Variants in CLASP1 observed in about 807,000 individuals in gnomAD.
The protein encoded by CLASP1 is CLIP-associating protein 1.
A neutral mutation model predicts 192.3 loss-of-function variants in CLASP1; 38 were observed. The ratio of observed to expected loss-of-function variants is 0.20; its 90% confidence interval spans 0.15 to 0.26. The LOEUF (loss-of-function observed/expected upper bound fraction) is 0.26, where lower values mean the gene tolerates loss of function less well. CLASP1 is among the 10% of genes least tolerant of loss of function. CLASP1 has a pLI of 1.00. For synonymous variants in CLASP1, 691 were observed against 712.8 expected (o/e 0.97, Z 0.49); for missense variants, 1,433 against 1,932.5 (o/e 0.74, Z 4.85).
intron 2 of CLASP1, among the ~76,000 whole-genome samples, chr2:121,589,691 G>A (rs571121505): frequency 6.6e-6 from 1 of 151,008 alleles, no homozygotes; most frequent in East Asian, 1.9e-4. Context: ...TTCCAGTTTA[G>A]CCCAGTTAAG....
intron 8 of CLASP1, among the ~76,000 whole-genome samples, chr2:121,480,415 C>T (rs955489779): frequency 2.0e-5 from 3 of 152,180 alleles, no homozygotes; most frequent in Non-Finnish European, 2.9e-5. Flanking sequence ...AATGCCCTGG[C>T]TGCTGCTACA....
At chr2:121,645,955 T>C (rs769521178) in intron 1 of CLASP1, among the ~76,000 whole-genome samples, 18 of 152,214 alleles carry the variant, frequency 1.2e-4, no homozygotes, top group Admixed American at 6.5e-5. Flanking sequence ...GGTCATTTAG[T>C]CAAACACATA....
At chr2:121,560,475 T>C (rs541384064) in intron 2 of CLASP1, among the ~76,000 whole-genome samples, 1 of 152,334 alleles carries the variant, frequency 6.6e-6, no homozygotes, top group South Asian at 2.1e-4. Flanking sequence ...ATTAAAACAA[T>C]TTTTAACATT....
intron 19 of CLASP1, among the ~76,000 whole-genome samples, chr2:121,434,829 A>T (rs1418174657): frequency 1.3e-5 from 2 of 152,044 alleles, no homozygotes; most frequent in Non-Finnish European, 2.9e-5. Context: ...CTCAACTAAA[A>T]ATGCAAAAAT....
chr2:121,526,124 C>T (rs1187119679), intron 5 of CLASP1, among the ~76,000 whole-genome samples: 1 of 152,234 alleles, frequency 6.6e-6, no homozygotes, highest in Non-Finnish European at 1.5e-5. Context: ...AGGGTGGCTT[C>T]TCCCAGATAA....
At chr2:121,575,619 A>G (rs2060439897) in intron 2 of CLASP1, among the ~76,000 whole-genome samples, 1 of 152,196 alleles carries the variant, frequency 6.6e-6, no homozygotes, top group African/African-American at 2.4e-5. Context: ...CGTACAAACC[A>G]GGAAGCAAAG....
At chr2:121,425,298 G>A in exon 22 of CLASP1, 2 of 1,611,330 alleles carry the variant, frequency 1.2e-6, no homozygotes, top group Non-Finnish European at 1.7e-6. Context: ...GAACTTGACC[G>A]GCTGCCAGCT....
At chr2:121,648,022 T>C (rs180784617) in intron 1 of CLASP1, among the ~76,000 whole-genome samples, 18 of 152,346 alleles carry the variant, frequency 1.2e-4, no homozygotes, top group Admixed American at 1.1e-3. Flanking sequence ...ATCATCAAAA[T>C]TTAAATTTCT....
At chr2:121,414,852 T>C (rs541817373) in intron 23 of CLASP1, among the ~76,000 whole-genome samples, 3 of 152,296 alleles carry the variant, frequency 2.0e-5, no homozygotes, top group East Asian at 1.9e-4. Flanking sequence ...GGCACAATAA[T>C]GGCTCTCTGC....
intron 2 of CLASP1, among the ~76,000 whole-genome samples, chr2:121,559,971 G>A (rs1055587795): frequency 2.6e-4 from 40 of 152,118 alleles, no homozygotes; most frequent in Admixed American, 1.8e-3. Flanking sequence ...AGACATTAGT[G>A]GAAACACTGA....
At chr2:121,359,984 T>A (rs1461679647) in intron 37 of CLASP1, among the ~76,000 whole-genome samples, 1 of 152,212 alleles carries the variant, frequency 6.6e-6, no homozygotes, top group African/African-American at 2.4e-5. Flanking sequence ...AAACAAGCCA[T>A]CTTATCGTCA....
rs746511195 is a variant in CLASP1 at position 121,427,358 on chromosome 2, C to T, written c.2044+46G>A. 10 of 1,600,460 alleles carry T rather than the reference C, an allele frequency of 6.2e-6. No homozygotes were observed. In the East Asian group the frequency reaches 1.1e-4, roughly 18 times the overall value. ...AAGGAACATGGGGTCGGGGAGAATG[C>T]CAACAACAACAACAACAAAAAAAGG... On this transcript the variant is annotated intron_variant, in intron 21 of 39. Transcript: ENST00000263710.
intron 39 of CLASP1, among the ~76,000 whole-genome samples, chr2:121,343,582 G>A (rs575565392): frequency 1.3e-5 from 2 of 152,324 alleles, no homozygotes; most frequent in African/African-American, 2.4e-5. Flanking sequence ...CACATACGAT[G>A]TAATTCCACT....
chr2:121,593,139 G>T (rs989299989), intron 2 of CLASP1, among the ~76,000 whole-genome samples: 1 of 152,160 alleles, frequency 6.6e-6, no homozygotes, highest in Non-Finnish European at 1.5e-5. Context: ...AAGAGATATC[G>T]TGTGCCTCCC....
At chr2:121,463,037 TTTTA>T (rs1021194595) in intron 9 of CLASP1, among the ~76,000 whole-genome samples, 2 of 152,304 alleles carry the variant, frequency 1.3e-5, no homozygotes, top group Non-Finnish European at 2.9e-5. Context: ...AATTTCACAG[TTTTA>T]TTTAACTTTA....
At chr2:121,404,255 C>T (rs978795138) in intron 26 of CLASP1, 116 bp downstream of exon 27, 17 of 1,479,076 alleles carry the variant, frequency 1.1e-5, no homozygotes, top group Middle Eastern at 1.8e-4. Context: ...ACCGGTGTGA[C>T]TCTGTAAGGT....
intron 2 of CLASP1, among the ~76,000 whole-genome samples, chr2:121,542,616 C>T (rs930896666): frequency 1.3e-5 from 2 of 152,210 alleles, no homozygotes; most frequent in African/African-American, 4.8e-5. Flanking sequence ...CCTGGGTGCT[C>T]AACCCAATAA....
At chr2:121,400,135 G>A (rs1193089463) in intron 28 of CLASP1, among the ~76,000 whole-genome samples, 1 of 152,140 alleles carries the variant, frequency 6.6e-6, no homozygotes, top group Non-Finnish European at 1.5e-5. Context: ...ACTCCACTAA[G>A]TTTAGCCATG....
At chr2:121,431,777 C>CATTGGTTTTGTA (rs2081462651) in intron 19 of CLASP1, among the ~76,000 whole-genome samples, 1 of 137,976 alleles carries the variant, frequency 7.2e-6, no homozygotes, top group African/African-American at 2.7e-5. Flanking sequence ...TACATGTTTT[C>CATTGGTTTTGTA]ACAACCAATA....
Sources: gnomAD v4.1 joint callset for allele counts (sites outside exome capture counted in the v4.1 genomes callset) on GRCh38, gnomAD v4.1.1 for gene constraint, MANE v1.5 for transcripts, NCBI Gene and HGNC (gene_info 2026-07-23, HGNC 2026-07-21) for gene names.